Variants in ATP10A observed in about 807,000 individuals in gnomAD.
ATP10A encodes the protein ATPase phospholipid transporting 10A (putative).
In ATP10A, 111 loss-of-function variants were observed where a neutral mutation model predicts 147.8. The ratio of observed to expected loss-of-function variants is 0.75; its 90% CI spans 0.64 to 0.88. The LOEUF is 0.88. ATP10A is among the 40% of genes least tolerant of loss of function. ATP10A has a pLI of 0.00. For missense variants in ATP10A, 1,927 were observed against 1,959.0 expected (o/e 0.98, Z 0.31); for synonymous variants, 875 against 841.6 (o/e 1.04, Z -0.69).
intron 1 of ATP10A, among the ~76,000 whole-genome samples, chr15:25,823,339 T>G (rs1179673716): frequency 6.6e-6 from 1 of 152,184 alleles, no homozygotes; most frequent in East Asian, 1.9e-4. Flanking sequence ...ACACACAACC[T>G]CATTTAATTC....
Position 25,708,073 on chromosome 15 carries a change from C to A in ATP10A, c.2478G>T (p.Trp826Cys). 1 of 1,614,144 alleles carries A rather than the reference C, an allele frequency of 6.2e-7. No homozygotes were observed. Among genetic ancestry groups the A allele is most frequent in the Non-Finnish European group, 8.5e-7 (1 of 1,180,038 alleles). Residue 826 changes from tryptophan to cysteine, a missense_variant, in exon 12 of 21, where the codon TGG becomes TGT. Physicochemically the swap from Trp to Cys is radical, Grantham distance 215. Coordinates refer to ENST00000555815, the MANE Select transcript of ATP10A (RefSeq NM_024490.4). The part of the protein sequence containing the change: ...RVLSKEEYAC[W>C]LQSHLEAESS... ...ATTCGGCTTCTAGGTGGCTTTGCAA[C>A]CAGCAGGCATACTCTTCTTTACTCA... is the stretch of plus-strand genomic sequence containing the variant.
intron 1 of ATP10A, chr15:25,862,292 G>C (rs1232556441): frequency 2.0e-6 from 1 of 507,950 alleles, no homozygotes; most frequent in African/African-American, 1.9e-5. Flanking sequence ...TTCAGGCCAG[G>C]GGGCCAGGCT....
At chr15:25,810,656 C>T (rs1489444729) in intron 1 of ATP10A, among the ~76,000 whole-genome samples, 1 of 152,126 alleles carries the variant, frequency 6.6e-6, no homozygotes, top group Non-Finnish European at 1.5e-5. Context: ...TCAACAAGGC[C>T]TGTTTGTACC....
At chr15:25,795,306 C>T (rs1276198113) in intron 1 of ATP10A, among the ~76,000 whole-genome samples, 1 of 152,136 alleles carries the variant, frequency 6.6e-6, no homozygotes, top group African/African-American at 2.4e-5. Context: ...GACACAGGCC[C>T]ACGGAGGGAG....
chr15:25,690,082 A>G (rs1159357312), intron 15 of ATP10A, among the ~76,000 whole-genome samples: 1 of 152,148 alleles, frequency 6.6e-6, no homozygotes, highest in Non-Finnish European at 1.5e-5. Flanking sequence ...TCCACATACA[A>G]TTTCTGACTC....
intron 5 of ATP10A, 112 bp from the exon 6 acceptor site, chr15:25,724,133 G>T: frequency 1.7e-6 from 2 of 1,176,814 alleles, no homozygotes; most frequent in Non-Finnish European, 2.3e-6. Context: ...AGCACATTTG[G>T]TTTTCTTACT....
chr15:25,791,101 T>G (rs374377729), intron 1 of ATP10A, among the ~76,000 whole-genome samples: 1 of 149,590 alleles, frequency 6.7e-6, no homozygotes, highest in Non-Finnish European at 1.5e-5. Context: ...TTTTTTTTTT[T>G]CAAGACCCTT....
intron 1 of ATP10A, among the ~76,000 whole-genome samples, chr15:25,791,856 A>G (rs1257415830): frequency 6.6e-6 from 1 of 152,186 alleles, no homozygotes; most frequent in Non-Finnish European, 1.5e-5. Context: ...TAATTTTGTT[A>G]TATAATCCTT....
chr15:25,797,756 A>G (rs1270208165), intron 1 of ATP10A, among the ~76,000 whole-genome samples: 4 of 152,058 alleles, frequency 2.6e-5, no homozygotes, highest in Non-Finnish European at 5.9e-5. Flanking sequence ...GGGCAGGCAC[A>G]TCACCAGGAG....
Position 25,718,831 on chromosome 15 carries a change from G to A in ATP10A, c.1364-432C>T, listed in dbSNP as rs572924456. On this transcript the variant is annotated intron_variant, in intron 7 of 20. Transcript: ENST00000555815. ...TGGTGCTGAGCTCCTTGCCCACATG[G>A]ACGGTGGCCACCATCTGCTCCTGTC... is the stretch of plus-strand genomic sequence containing the variant. 6.6e-5 allele frequency among the ~76,000 whole-genome samples: 10 copies of A among 152,272 alleles called. No homozygotes were observed. In the East Asian group the frequency reaches 1.7e-3, roughly 26 times the overall value.
intron 15 of ATP10A, 61 bp from the exon 16 acceptor site, chr15:25,687,889 T>C (rs1199284400): frequency 1.2e-6 from 2 of 1,608,998 alleles, no homozygotes; most frequent in South Asian, 2.2e-5. Context: ...ATTTGTCTTC[T>C]CTTCTCAAAA....
intron 15 of ATP10A, among the ~76,000 whole-genome samples, chr15:25,688,380 C>T (rs574233644): frequency 6.2e-4 from 94 of 152,276 alleles, no homozygotes; most frequent in African/African-American, 2.2e-3. Flanking sequence ...CCCAGGACGC[C>T]GGGTGCGGGC....
At chr15:25,687,598 T>G in intron 16 of ATP10A, 105 bp downstream of exon 16, 3 of 829,812 alleles carry the variant, frequency 3.6e-6, no homozygotes, top group South Asian at 4.4e-5. Context: ...GAGCAGGTTG[T>G]CCATGGCCTC....
At chr15:25,787,664 G>A (rs1433846073) in intron 1 of ATP10A, among the ~76,000 whole-genome samples, 1 of 151,836 alleles carries the variant, frequency 6.6e-6, no homozygotes, top group Non-Finnish European at 1.5e-5. Flanking sequence ...AGAAAAAGGT[G>A]GGAGGAAAGG....
At chr15:25,823,930 C>T (rs529971198) in intron 1 of ATP10A, among the ~76,000 whole-genome samples, 9 of 152,174 alleles carry the variant, frequency 5.9e-5, no homozygotes, top group African/African-American at 2.2e-4. Context: ...AGGTCATGTG[C>T]GTTCTTTTGC....
At chr15:25,844,784 G>A (rs915372572) in intron 1 of ATP10A, among the ~76,000 whole-genome samples, 3 of 152,186 alleles carry the variant, frequency 2.0e-5, no homozygotes, top group Non-Finnish European at 2.9e-5. Flanking sequence ...GTGGCTTGCC[G>A]TCTGGGGACA....
At chr15:25,792,006 A>T (rs941841554) in intron 1 of ATP10A, among the ~76,000 whole-genome samples, 30 of 151,486 alleles carry the variant, frequency 2.0e-4, no homozygotes, top group Non-Finnish European at 1.3e-4. Flanking sequence ...TTTTTTTTTT[A>T]AAACAAACAT....
chr15:25,863,008 T>G lies in ATP10A; in HGVS notation c.89A>C (p.Asn30Thr). The part of the protein sequence containing the change: ...REGRTRTVRS[N>T]LLPPPGAEDP... ...CTCGGCGCCCGGGGGCGGCAGCAGG[T>G]TGGAGCGCACCGTGCGCGTCCTGCC... is the stretch of plus-strand genomic sequence containing the variant. The change falls in exon 1 of 21, where the codon AAC becomes ACC. Residue 30 changes from asparagine (N) to threonine (T), a missense_variant. Asn to Thr is a moderately conservative substitution (Grantham distance 65). Transcript: ENST00000555815. The G allele has an allele frequency of 7.2e-7, 1 of 1,385,576 alleles. No homozygotes were observed. Among genetic ancestry groups the G allele is most frequent in the East Asian group, 3.1e-5 (1 of 32,744 alleles). The allele number at this position is 1,385,576 out of a possible 1,614,324, so 85.8% of individuals were successfully genotyped here.
At chr15:25,706,505 A>T (rs1901027846) in intron 12 of ATP10A, among the ~76,000 whole-genome samples, 1 of 152,230 alleles carries the variant, frequency 6.6e-6, no homozygotes, top group Non-Finnish European at 1.5e-5. Flanking sequence ...CTGTCCGATC[A>T]GCCTGCATGA....
Sources: gnomAD v4.1 joint callset for allele counts (sites outside exome capture counted in the v4.1 genomes callset) on GRCh38, gnomAD v4.1.1 for gene constraint, MANE v1.5 for transcripts, NCBI Gene and HGNC (gene_info 2026-07-23, HGNC 2026-07-21) for gene names.